The following IKBKG variants were observed in gnomAD, a reference collection of about 807,000 sequenced individuals.
IKBKG encodes NF-kappa-B essential modulator.
In IKBKG, 2 loss-of-function variants were observed where a neutral mutation model predicts 13.7. That is an observed-to-expected ratio of 0.15 (90% CI 0.06 to 0.46). IKBKG has a LOEUF of 0.46. Ranked by LOEUF, IKBKG falls within the 20% of genes least tolerant of loss-of-function variation. The probability of loss-of-function intolerance (pLI) is 0.98; values close to 1 mark genes in which losing one functional copy is unlikely to be tolerated. For missense variants in IKBKG, 53 were observed against 150.3 expected (o/e 0.35, Z 3.39); for synonymous variants, 22 against 64.4 (o/e 0.34, Z 3.15).
rs1426467231 is a variant in IKBKG at position 154,547,675 on chromosome X, C to A, written c.-86C>A. ...CCGCGAAACTGGGACTTTCTCGGAG[C>A]GCCGGGGCCCTACCAGCGTTCACAG... On this transcript the variant is annotated 5_prime_UTR_variant, in exon 1 of 10. Coordinates refer to ENST00000594239, the MANE Select transcript of IKBKG (RefSeq NM_001099857.5). The A allele has an allele frequency of 1.3e-6, 1 of 753,957 alleles. No individual in the cohort carries two copies. Among genetic ancestry groups the A allele is most frequent in the Admixed American group, 8.6e-5 (1 of 11,658 alleles). 62.1% of individuals were successfully genotyped at this position (753,957 alleles called of 1,213,427 possible). A position where few individuals can be genotyped will look rare whatever the true frequency, so the allele number is the denominator to read the frequency against.
chrX:154,547,497 G>A (rs1335610708), upstream of IKBKG: 5 of 754,307 alleles, frequency 6.6e-6, no homozygotes, highest in Non-Finnish European at 7.8e-6. Context: ...AGAGCCTGGC[G>A]GACTCAGACT....
At chrX:154,547,859 C>G in intron 1 of IKBKG, 114 bp downstream of exon 1, 1 of 755,123 alleles carries the variant, frequency 1.3e-6, no homozygotes, top group Non-Finnish European at 1.6e-6. Flanking sequence ...CCCGTTCCTG[C>G]TCCGCGCTTC....
At chrX:154,543,937 T>C (rs1204007485), upstream of IKBKG, among the ~76,000 whole-genome samples, 1 of 108,368 alleles carries the variant, frequency 9.2e-6, no homozygotes, top group African/African-American at 3.4e-5. Flanking sequence ...TTGCGATTTC[T>C]GCTCACTGCA....
upstream of IKBKG, chrX:154,542,421 T>G: frequency 8.4e-7 from 1 of 1,196,124 alleles, no homozygotes; most frequent in Non-Finnish European, 1.1e-6. Context: ...CGCACACTAG[T>G]CTACAAGGCC....
At chrX:154,548,150 C>T in intron 1 of IKBKG, 1 of 728,244 alleles carries the variant, frequency 1.4e-6, no homozygotes, top group Non-Finnish European at 1.6e-6. Context: ...TATCGTCATA[C>T]TGTTTCTGTG....
chrX:154,551,914 C>G, intron 1 of IKBKG, 74 bp from the exon 2 acceptor site: 1 of 802,531 alleles, frequency 1.2e-6, no homozygotes, highest in Non-Finnish European at 1.7e-6. Context: ...AATGTAGCCC[C>G]AGAACTCATA....
intron 2 of IKBKG, 36 bp downstream of exon 2, chrX:154,552,225 G>A (rs2070953803): frequency 1.8e-6 from 2 of 1,123,546 alleles, no homozygotes; most frequent in South Asian, 2.0e-5. Context: ...CCCTGCTGAG[G>A]GGAAGGCGTC....
chrX:154,546,904 T>C (rs2148353537), upstream of IKBKG: 2 of 825,833 alleles, frequency 2.4e-6, no homozygotes, highest in East Asian at 4.6e-5. Flanking sequence ...GCGCCTGGGC[T>C]GAGCGGACCC....
At chrX:154,551,939 G>A (rs782276373) in intron 1 of IKBKG, 49 bp from the exon 2 acceptor site, 1 of 947,477 alleles carries the variant, frequency 1.1e-6, no homozygotes, top group Non-Finnish European at 1.4e-6. Flanking sequence ...TTTTCTGCTG[G>A]GTAAGGATGT....
At chrX:154,546,915 G>T, upstream of IKBKG, 3 of 750,861 alleles carry the variant, frequency 4.0e-6, no homozygotes, top group Non-Finnish European at 1.7e-6. Flanking sequence ...GAGCGGACCC[G>T]CCTCAGGCGA....
intron 1 of IKBKG, among the ~76,000 whole-genome samples, chrX:154,550,097 T>G (rs1279196716): frequency 2.7e-5 from 3 of 110,913 alleles, no homozygotes; most frequent in Non-Finnish European, 5.7e-5. Flanking sequence ...TAAGTGTGCC[T>G]CTCTCTAAGA....
chrX:154,546,891 CG>C, upstream of IKBKG: 1 of 997,698 alleles, frequency 1.0e-6, no homozygotes. Flanking sequence ...GGGGCGGGGG[CG>C]GGCGCCTGGG....
chrX:154,563,020 T>G, intron 7 of IKBKG, 67 bp downstream of exon 7: 1 of 908,954 alleles, frequency 1.1e-6, no homozygotes, highest in Admixed American at 3.2e-5. Flanking sequence ...CGTCTTTTTT[T>G]TTTTTTTTGC....
chrX:154,544,930 T>C (rs1163566129), upstream of IKBKG, among the ~76,000 whole-genome samples: 2 of 112,593 alleles, frequency 1.8e-5, no homozygotes, highest in Non-Finnish European at 3.8e-5. Flanking sequence ...CTAGTTTTGA[T>C]AGAGCTCCTG....
chrX:154,547,203 G>A (rs1004313219), upstream of IKBKG: 13 of 432,351 alleles, frequency 3.0e-5, no homozygotes, highest in Non-Finnish European at 3.5e-5. Flanking sequence ...CGCGCTCGCG[G>A]AGGGCTCCAC....
rs1430544353 is a variant in IKBKG, at chrX:154,552,974, G to A, written c.187+785G>A. 4.5e-5 allele frequency among the ~76,000 whole-genome samples: 5 copies of A among 111,983 alleles called. No homozygotes were observed. The South Asian group carries it at 1.1e-3, about 25-fold the overall frequency. ...CTGCATTGCCCTGGGTTAGCCTGGC[G>A]GGGCCAGGTGGCACCCGCCATATAC... On this transcript the variant is annotated intron_variant, in intron 2 of 9. Transcript: ENST00000594239.
chrX:154,554,422 T>C (rs1349578269), intron 2 of IKBKG, among the ~76,000 whole-genome samples: 2 of 112,406 alleles, frequency 1.8e-5, no homozygotes, highest in African/African-American at 6.5e-5. Flanking sequence ...ATAGTGAATT[T>C]GATGTCATGT....
chrX:154,547,303 G>A, upstream of IKBKG: 7 of 751,867 alleles, frequency 9.3e-6, no homozygotes, highest in Non-Finnish European at 1.1e-5. Flanking sequence ...GGGAACCCTC[G>A]CCTGTTCGCG....
At chrX:154,547,303 G>C (rs1557233847), upstream of IKBKG, 7 of 750,989 alleles carry the variant, frequency 9.3e-6, no homozygotes, top group South Asian at 4.1e-4. Flanking sequence ...GGGAACCCTC[G>C]CCTGTTCGCG....
Sources: gnomAD v4.1 joint callset for allele counts (sites outside exome capture counted in the v4.1 genomes callset) on GRCh38, gnomAD v4.1.1 for gene constraint, MANE v1.5 for transcripts, NCBI Gene and HGNC (gene_info 2026-07-23, HGNC 2026-07-21) for gene names.